The following HMCN1 variants were observed in gnomAD, a reference collection of about 807,000 sequenced individuals.
HMCN1 encodes hemicentin 1, also known as hemicentin-1.
Under a neutral mutation model 625.9 loss-of-function variants are expected in HMCN1, and 321 were observed. That is an observed-to-expected ratio of 0.51 (90% CI 0.47 to 0.56). The LOEUF is 0.56. Among genes scored for constraint, HMCN1 ranks in the 20% least tolerant of loss-of-function variants. The pLI is 0.00. For synonymous variants in HMCN1, 2,425 were observed against 2,417.6 expected, an observed-to-expected ratio of 1.00 and a Z score of -0.09; for missense variants, 6,588 against 6,887.3, an observed-to-expected ratio of 0.96 and a Z score of 1.54.
chr1:186,132,273 G>T, intron 85 of HMCN1, 55 bp from the exon 86 acceptor site: 1 of 1,245,332 alleles, frequency 8.0e-7, no homozygotes, highest in South Asian at 1.2e-5. Context: ...TGAAAAAAGT[G>T]ATTGCCCTGC....
At chr1:186,154,582 TAA>T (rs1216835604) in intron 97 of HMCN1, among the ~76,000 whole-genome samples, 1 of 152,170 alleles carries the variant, frequency 6.6e-6, no homozygotes, top group Non-Finnish European at 1.5e-5. Flanking sequence ...ATACAAATAA[TAA>T]AGTCCATTTG....
At chr1:185,877,321 C>CTTTTTTTTTTTTTT in intron 4 of HMCN1, among the ~76,000 whole-genome samples, 1 of 34,906 alleles carries the variant, frequency 2.9e-5, no homozygotes, top group African/African-American at 1.0e-4. Context: ...ATGTGTCTTT[C>CTTTTTTTTTTTTTT]TTTTTTTTTT....
intron 1 of HMCN1, among the ~76,000 whole-genome samples, chr1:185,821,979 A>G (rs889309268): frequency 5.9e-5 from 9 of 152,004 alleles, no homozygotes; most frequent in African/African-American, 1.9e-4. Flanking sequence ...TATGTACTGT[A>G]TGATTCCAAC....
intron 97 of HMCN1, among the ~76,000 whole-genome samples, chr1:186,157,410 A>G (rs1223223032): frequency 6.6e-6 from 1 of 152,236 alleles, no homozygotes; most frequent in East Asian, 1.9e-4. Context: ...TAATATGAAA[A>G]TCTTTGGACA....
rs532401346 is a variant in HMCN1, at chr1:186,162,921, C to A, written c.15257-2190C>A. ...GATCTCCAGCTGCGTGCTGGGAGAACCACTGCTCTCTTCAAAGCTGTCAGA... is the reference window on the plus strand; with the variant it reads ...GATCTCCAGCTGCGTGCTGGGAGAAACACTGCTCTCTTCAAAGCTGTCAGA... On this transcript the variant is annotated intron_variant, in intron 97 of 106. Coordinates refer to ENST00000271588, the MANE Select transcript of HMCN1 (RefSeq NM_031935.3). 2.6e-4 allele frequency among the ~76,000 whole-genome samples: 40 copies of A among 152,304 alleles called. 3 individuals carry two copies. In the South Asian group the frequency reaches 7.9e-3, roughly 30 times the overall value.
At position 186,087,712 on chromosome 1, in the gene HMCN1, G is replaced by A. The variant is rs1224297636; in HGVS notation, c.9363+67G>A. 6.3e-6 allele frequency: 9 copies of A among 1,436,676 alleles called. No homozygotes were observed. In the East Asian group the frequency reaches 1.8e-4, roughly 29 times the overall value. The allele number at this position is 1,436,676 out of a possible 1,614,324, so 89.0% of individuals were successfully genotyped here. A position where few individuals can be genotyped will look rare whatever the true frequency, so the allele number is the denominator to read the frequency against. ...GGGGTGGTGGAAAAGATGCTTGGAAGTTGCATATTCCCTTTTACTACAGTG... is the reference window on the plus strand; with the variant it reads ...GGGGTGGTGGAAAAGATGCTTGGAAATTGCATATTCCCTTTTACTACAGTG... On this transcript the variant is annotated intron_variant, in intron 60 of 106. Coordinates refer to ENST00000271588, the MANE Select transcript of HMCN1 (RefSeq NM_031935.3).
At chr1:186,045,895 T>C (rs571293510) in intron 41 of HMCN1, 32 bp downstream of exon 41, 2 of 1,496,850 alleles carry the variant, frequency 1.3e-6, no homozygotes, top group Admixed American at 1.7e-5. Flanking sequence ...TTTTACCTTA[T>C]GTTATTAGAA....
At chr1:185,849,725 A>C (rs1368407502) in intron 2 of HMCN1, among the ~76,000 whole-genome samples, 3 of 152,202 alleles carry the variant, frequency 2.0e-5, no homozygotes, top group Admixed American at 6.6e-5. Context: ...CTCCATTTGT[A>C]AATTATATAC....
chr1:185,978,595 C>A (rs1480564750), intron 16 of HMCN1, among the ~76,000 whole-genome samples: 2 of 152,098 alleles, frequency 1.3e-5, no homozygotes, highest in African/African-American at 4.8e-5. Context: ...TAATTAATTG[C>A]ATTTTTAAAA....
chr1:186,033,336 G>T (rs1023125029), intron 36 of HMCN1, among the ~76,000 whole-genome samples: 1 of 152,078 alleles, frequency 6.6e-6, no homozygotes, highest in Non-Finnish European at 1.5e-5. Context: ...TACATATTGG[G>T]TACAGCATAT....
chr1:186,081,825 G>T (rs995806310), intron 56 of HMCN1, among the ~76,000 whole-genome samples: 19 of 152,162 alleles, frequency 1.2e-4, no homozygotes, highest in African/African-American at 4.6e-4. Flanking sequence ...CTGGATTGTT[G>T]TTTACCAATG....
At chr1:186,074,213 T>C (rs1011508904) in intron 52 of HMCN1, among the ~76,000 whole-genome samples, 1 of 127,664 alleles carries the variant, frequency 7.8e-6, no homozygotes, top group South Asian at 2.5e-4. Context: ...TATCCTATTT[T>C]ATAGTAATAA....
chr1:186,015,378 C>T lies in HMCN1; in HGVS notation c.4850C>T (p.Thr1617Met), dbSNP rs757566490. The change falls in exon 31 of 107, where the codon ACG (threonine) becomes ATG (methionine). Residue 1617 changes from threonine to methionine, a missense_variant. By Grantham distance (81) the Thr-to-Met change is moderately conservative. Coordinates refer to ENST00000271588, the MANE Select transcript of HMCN1 (RefSeq NM_031935.3). Reference sequence around the variant, plus strand: ...CAGGTCTCTGATTCAGCAACATATACGTGTCATGTAGCCAATGTTGCTGGA... The same window carrying T: ...CAGGTCTCTGATTCAGCAACATATATGTGTCATGTAGCCAATGTTGCTGGA... ...RAQVSDSATY[T>M]CHVANVAGTA... The T allele has an allele frequency of 2.9e-5, 46 of 1,613,474 alleles. No homozygotes were observed. The Admixed American group carries it at 3.8e-4, about 13-fold the overall frequency.
chr1:185,943,055 G>C (rs931460042), intron 11 of HMCN1, among the ~76,000 whole-genome samples: 4 of 152,102 alleles, frequency 2.6e-5, no homozygotes, highest in African/African-American at 9.7e-5. Flanking sequence ...AAAGGACACA[G>C]AGAAGCAGCC....
At chr1:186,012,377 C>A (rs1183635046) in intron 30 of HMCN1, among the ~76,000 whole-genome samples, 1 of 151,714 alleles carries the variant, frequency 6.6e-6, no homozygotes, top group Non-Finnish European at 1.5e-5. Context: ...CTCTAAGAGG[C>A]TAATCCTTCA....
chr1:185,984,223 A>G lies in HMCN1; in HGVS notation c.2845A>G (p.Arg949Gly), dbSNP rs1416798831. Residue 949 changes from arginine (R) to glycine (G), a missense_variant, in exon 19 of 107, where the codon AGA becomes GGA. Transcript: ENST00000271588. ...VRSDGSLHIE[R>G]VQLQDGGEYT... ...CAGTGATGGGAGCCTCCATATTGAA[A>G]GAGTTCAGCTTCAGGATGGTGGTGA... 6.2e-7 allele frequency: 1 copy of G among 1,613,594 alleles called. No homozygotes were observed. The highest frequency in any genetic ancestry group is 2.2e-5 in the East Asian group (1 of 44,866).
rs1056106343 is a variant in HMCN1, at chr1:185,997,446, G to A, written c.3796G>A (p.Asp1266Asn). 1 of 1,610,754 alleles carries A rather than the reference G, an allele frequency of 6.2e-7. No individual in the cohort carries two copies. The highest frequency in any genetic ancestry group is 1.3e-5 in the African/African-American group (1 of 74,840). ...CCTAATAGAACCACCCACAGTGGAAGATCTAGAACCTCCATATAACACTAC... is the reference window on the plus strand; with the variant it reads ...CCTAATAGAACCACCCACAGTGGAAAATCTAGAACCTCCATATAACACTAC... The part of the protein sequence containing the change: ...LHVQEPPTVE[D>N]LEPPYNTTFQ... Residue 1266 changes from aspartate to asparagine, a missense_variant, in exon 25 of 107, where the codon GAT becomes AAT. Around this residue, in one of 3 missense-constraint regions of HMCN1, gnomAD observed 4,628 missense variants for 4,853.1 expected, o/e 0.95. Coordinates refer to ENST00000271588, the MANE Select transcript of HMCN1 (RefSeq NM_031935.3).
At chr1:186,135,024 G>A (rs138683416) in intron 86 of HMCN1, among the ~76,000 whole-genome samples, 45 of 152,246 alleles carry the variant, frequency 3.0e-4, no homozygotes, top group Middle Eastern at 3.4e-3. Flanking sequence ...TCTCCATGTT[G>A]TGTCTTTCTC....
chr1:185,833,472 G>C (rs1035383752), intron 1 of HMCN1, among the ~76,000 whole-genome samples: 1 of 152,184 alleles, frequency 6.6e-6, no homozygotes, highest in Non-Finnish European at 1.5e-5. Flanking sequence ...TTATAAAAAA[G>C]TGTCAGAAGT....
Sources: allele counts gnomAD v4.1 joint callset (sites outside exome capture counted in the v4.1 genomes callset), GRCh38; gene constraint gnomAD v4.1.1; regional missense constraint gnomAD v4.1.1; transcripts MANE v1.5; gene names NCBI Gene and HGNC (gene_info 2026-07-23, HGNC 2026-07-21).